CTDP1: variants seen among roughly 807,000 people sequenced by gnomAD.
The protein encoded by CTDP1 is CTD phosphatase 1.
Under a neutral mutation model 91.8 loss-of-function variants are expected in CTDP1, and 47 were observed. That is an observed-to-expected ratio of 0.51 (90% CI 0.41 to 0.65). The LOEUF (loss-of-function observed/expected upper bound fraction) is 0.65. Among genes scored for constraint, CTDP1 ranks in the 30% least tolerant of loss-of-function variants. The pLI is 0.00. For missense variants in CTDP1, 1,272 were observed against 1,373.7 expected (o/e 0.93, Z 1.17); for synonymous variants, 656 against 598.5 (o/e 1.10, Z -1.40).
At chr18:79,743,464 T>A (rs2086819176) in intron 12 of CTDP1, among the ~76,000 whole-genome samples, 1 of 139,620 alleles carries the variant, frequency 7.2e-6, no homozygotes, top group African/African-American at 2.7e-5. Flanking sequence ...AGGTGGAGGT[T>A]GCGGTGAGCC....
chr18:79,710,326 G>A lies in CTDP1; in HGVS notation c.773-20G>A, dbSNP rs377076535. ...AACGTGTCTCAGGTATGTAATCTTT[G>A]TCCTGTTTTCTTTTCCAAGGCTTTT... On this transcript the variant is annotated intron_variant, in intron 5 of 12. Coordinates refer to ENST00000613122, the MANE Select transcript of CTDP1 (RefSeq NM_004715.5). 42 of 1,595,330 alleles carry A rather than the reference G, an allele frequency of 2.6e-5. No homozygotes were observed. Among genetic ancestry groups the A allele is most frequent in the Non-Finnish European group, 3.1e-5 (36 of 1,163,294 alleles).
chr18:79,704,434 G>T (rs962480248), intron 4 of CTDP1, among the ~76,000 whole-genome samples: 1 of 151,648 alleles, frequency 6.6e-6, no homozygotes, highest in Non-Finnish European at 1.5e-5. Flanking sequence ...TCTGTCCCGT[G>T]TGGAGGGGCG....
intron 10 of CTDP1, among the ~76,000 whole-genome samples, chr18:79,720,527 A>G (rs628784): frequency 0.77 from 113,548 of 147,776 alleles, 43,314 homozygotes; most frequent in Middle Eastern, 0.82. Flanking sequence ...TGATGTCACC[A>G]CCCGTCATTA....
intron 1 of CTDP1, among the ~76,000 whole-genome samples, chr18:79,683,321 G>A (rs935848135): frequency 6.6e-6 from 1 of 152,218 alleles, no homozygotes; most frequent in Non-Finnish European, 1.5e-5. Context: ...ACTGATTATC[G>A]TGTATTGATC....
intron 11 of CTDP1, among the ~76,000 whole-genome samples, chr18:79,733,679 C>A (rs1382153089): frequency 6.6e-6 from 1 of 152,214 alleles, no homozygotes; most frequent in Non-Finnish European, 1.5e-5. Context: ...TTCTGCTTCT[C>A]ATGCTCAGGA....
intron 6 of CTDP1, among the ~76,000 whole-genome samples, chr18:79,711,581 G>A (rs1056657755): frequency 2.6e-5 from 4 of 152,176 alleles, no homozygotes; most frequent in African/African-American, 9.7e-5. Flanking sequence ...CGGGGCCACT[G>A]GTTTAGCGGC....
In CTDP1 at chr18:79,679,987, G is replaced by A; in HGVS notation, c.40G>A (p.Ala14Thr). Reference sequence around the variant, plus strand: ...CGCGGGTCGCGTTCCTGCCGAGGGCGCCCCGACGGCGGCTGTGGCCGAGGT... The same window carrying A: ...CGCGGGTCGCGTTCCTGCCGAGGGCACCCCGACGGCGGCTGTGGCCGAGGT... ...PAAGRVPAEG[A>T]PTAAVAEVRC... The change falls in exon 1 of 13, where the codon GCC (alanine) becomes ACC (threonine). Residue 14 changes from alanine (A) to threonine (T), a missense_variant. Ala to Thr is a moderately conservative substitution (Grantham distance 58). Transcript: ENST00000613122. 7.4e-7 allele frequency: 1 copy of A among 1,343,982 alleles called. No homozygotes were observed. Among genetic ancestry groups the A allele is most frequent in the Non-Finnish European group, 9.6e-7 (1 of 1,045,218 alleles). 83.3% of individuals were successfully genotyped at this position (1,343,982 alleles called of 1,614,324 possible).
At chr18:79,695,349 C>T (rs763762595) in intron 2 of CTDP1, 41 bp downstream of exon 2, 18 of 1,586,482 alleles carry the variant, frequency 1.1e-5, no homozygotes, top group East Asian at 4.5e-5. Context: ...TGCTGGGGCT[C>T]GAGGTGGTGG....
chr18:79,746,365 C>CGTGCGTGTTCTG (rs1568220051), intron 12 of CTDP1, among the ~76,000 whole-genome samples: 11 of 146,060 alleles, frequency 7.5e-5, no homozygotes, highest in African/African-American at 2.8e-4. Flanking sequence ...GCGTCCCTCC[C>CGTGCGTGTTCTG]ATGCGCGTTC....
chr18:79,745,266 T>TCCCTCCCGTGCGCGTTCTGTCCCTGCGA, intron 12 of CTDP1, among the ~76,000 whole-genome samples: 1 of 134,256 alleles, frequency 7.4e-6, no homozygotes, highest in African/African-American at 2.8e-5. Context: ...TGTCCCTGCG[T>TCCCTCCCGTGCGCGTTCTGTCCCTGCGA]CCCTCCCGTG....
intron 12 of CTDP1, 37 bp from the exon 13 acceptor site, chr18:79,753,615 G>A (rs945611853): frequency 6.2e-7 from 1 of 1,613,878 alleles, no homozygotes; most frequent in Non-Finnish European, 8.5e-7. Flanking sequence ...TTGTGCGTTT[G>A]CCACAAGCAT....
At position 79,736,131 on chromosome 18, in the gene CTDP1, GC is replaced by G. The variant is rs149644070; in HGVS notation, c.2581-223del. 2,782 of 607,346 alleles carry G rather than the reference GC, an allele frequency of 4.6e-3. 60 individuals carry two copies. Among genetic ancestry groups the G allele is most frequent in the African/African-American group, 0.044 (2,395 of 54,036 alleles). 37.6% of individuals were successfully genotyped at this position (607,346 alleles called of 1,614,324 possible). A position where few individuals can be genotyped will look rare whatever the true frequency, so the allele number is the denominator to read the frequency against. On this transcript the variant is annotated intron_variant, in intron 11 of 12. Coordinates refer to ENST00000613122, the MANE Select transcript of CTDP1 (RefSeq NM_004715.5). ...AGGAATTTAAACCCAATCTTTGCCT[GC>G]GAACCGACTGGGTTTGCTCTGTGGA...
intron 10 of CTDP1, among the ~76,000 whole-genome samples, chr18:79,721,107 C>T (rs750919659): frequency 1.2e-4 from 19 of 152,184 alleles, no homozygotes; most frequent in African/African-American, 2.9e-4. Context: ...TGATCCCACA[C>T]GCTGCCCACT....
rs925403276 is a variant in CTDP1 at position 79,717,646 on chromosome 18, C to G, written c.2180C>G (p.Pro727Arg). 3.7e-6 allele frequency: 6 copies of G among 1,613,886 alleles called. No individual in the cohort carries two copies. The highest frequency in any genetic ancestry group is 5.1e-6 in the Non-Finnish European group (6 of 1,179,980). Residue 727 changes from proline to arginine, a missense_variant, in exon 9 of 13, where the codon CCG (proline) becomes CGG (arginine). Around this residue, in one of 3 missense-constraint regions of CTDP1, gnomAD observed 881 missense variants for 911.6 expected, o/e 0.97. Transcript: ENST00000613122. ...RWDKVEEQLF[P>R]LRDDHTKAQR... ...GACAAGGTGGAGGAGCAGCTCTTCC[C>G]GCTCAGGGACGATCACACCAAGGCA...
chr18:79,698,177 G>A (rs930515438), intron 4 of CTDP1, among the ~76,000 whole-genome samples, 189 bp downstream of exon 4: 2 of 152,238 alleles, frequency 1.3e-5, no homozygotes, highest in South Asian at 2.1e-4. Context: ...GCGGCTCCCG[G>A]GCAGACATCC....
intron 10 of CTDP1, among the ~76,000 whole-genome samples, chr18:79,718,764 A>G (rs2086272230): frequency 6.6e-6 from 1 of 151,978 alleles, no homozygotes. Flanking sequence ...CAAAAGTTCA[A>G]CTCAATTAAA....
intron 7 of CTDP1, among the ~76,000 whole-genome samples, chr18:79,714,080 G>A (rs1568193647): frequency 2.0e-5 from 3 of 152,016 alleles, no homozygotes; most frequent in Admixed American, 6.5e-5. Flanking sequence ...GTCTGCAGGG[G>A]CTTACGGTCA....
At chr18:79,723,609 A>G (rs1599273468) in intron 10 of CTDP1, among the ~76,000 whole-genome samples, 1 of 152,138 alleles carries the variant, frequency 6.6e-6, no homozygotes, top group East Asian at 1.9e-4. Context: ...ATATTTGTAG[A>G]TATATATGCA....
intron 12 of CTDP1, among the ~76,000 whole-genome samples, chr18:79,737,071 C>T (rs1269541639): frequency 2.0e-5 from 3 of 152,224 alleles, no homozygotes; most frequent in Non-Finnish European, 2.9e-5. Flanking sequence ...CCGCCTCCAG[C>T]GTGCGGTCTG....
Sources: gnomAD v4.1 joint callset for allele counts (sites outside exome capture counted in the v4.1 genomes callset) on GRCh38, gnomAD v4.1.1 for gene constraint, gnomAD v4.1.1 regional missense constraint, MANE v1.5 for transcripts, NCBI Gene and HGNC (gene_info 2026-07-23, HGNC 2026-07-21) for gene names.